Variants in SLC2A13 observed in about 807,000 individuals in gnomAD.
SLC2A13 encodes the protein proton myo-inositol cotransporter.
A neutral mutation model predicts 64.4 loss-of-function variants in SLC2A13; 32 were observed. The ratio of observed to expected loss-of-function variants is 0.50; its 90% confidence interval spans 0.37 to 0.67. The LOEUF (loss-of-function observed/expected upper bound fraction) is 0.67. Ranked by LOEUF, SLC2A13 falls within the 30% of genes least tolerant of loss-of-function variation. The pLI, the probability that SLC2A13 is intolerant of heterozygous loss-of-function variation, is 0.00. For missense variants in SLC2A13, 743 were observed against 829.2 expected (o/e 0.90, Z 1.28); for synonymous variants, 338 against 327.1 (o/e 1.03, Z -0.36).
intron 1 of SLC2A13, among the ~76,000 whole-genome samples, chr12:40,091,018 C>T (rs554792715): frequency 5.3e-5 from 8 of 152,234 alleles, no homozygotes; most frequent in African/African-American, 9.6e-5. Flanking sequence ...CTAAATGGTA[C>T]GGCCCACTAC....
At chr12:39,884,675 C>T (rs183973561) in intron 4 of SLC2A13, among the ~76,000 whole-genome samples, 39 of 152,246 alleles carry the variant, frequency 2.6e-4, no homozygotes, top group African/African-American at 8.4e-4. Flanking sequence ...ATAACAAGGA[C>T]ACACTGGTGG....
intron 7 of SLC2A13, among the ~76,000 whole-genome samples, chr12:39,786,231 A>C (rs928580504): frequency 1.3e-5 from 2 of 152,136 alleles, no homozygotes; most frequent in African/African-American, 4.8e-5. Context: ...TAATTGAATC[A>C]TGGGGGCTGG....
rs533605124 is a variant in SLC2A13 at position 40,045,428 on chromosome 12, A to G, written c.716+2623T>C. Among the ~76,000 whole-genome samples, 12 of 151,722 alleles carry G rather than the reference A, an allele frequency of 7.9e-5. No individual in the cohort carries two copies. In the East Asian group the frequency reaches 1.9e-3, roughly 24 times the overall value. The stretch of plus-strand genomic sequence containing the variant: ...ATTATGAATAAGTTATCAATTGTTG[A>G]CAATTACAGAGTCTAAAGTTAATGC... On this transcript the variant is annotated intron_variant, in intron 2 of 9. Transcript: ENST00000280871.
intron 7 of SLC2A13, among the ~76,000 whole-genome samples, chr12:39,802,716 T>C (rs1941835033): frequency 6.6e-6 from 1 of 152,140 alleles, no homozygotes; most frequent in African/African-American, 2.4e-5. Context: ...TGTCCATATA[T>C]ATAGATATAA....
chr12:40,004,855 A>G (rs1947387554), intron 3 of SLC2A13, among the ~76,000 whole-genome samples: 1 of 152,238 alleles, frequency 6.6e-6, no homozygotes, highest in East Asian at 1.9e-4. Context: ...AAAGTTTTTA[A>G]GAAAATCATA....
At chr12:39,998,865 C>G (rs574903880) in intron 3 of SLC2A13, among the ~76,000 whole-genome samples, 6 of 152,120 alleles carry the variant, frequency 3.9e-5, no homozygotes, top group Admixed American at 2.0e-4. Context: ...CCACCCAAAT[C>G]TCATCTTGAA....
chr12:39,901,475 G>A (rs1351455085), intron 4 of SLC2A13, among the ~76,000 whole-genome samples: 3 of 139,614 alleles, frequency 2.1e-5, no homozygotes, highest in African/African-American at 8.0e-5. Context: ...AATCTACAAT[G>A]AACTCAAACA....
chr12:40,068,972 TGGTGAACAGCCATGTCTA>T (rs1215069844), intron 1 of SLC2A13, among the ~76,000 whole-genome samples: 1 of 152,100 alleles, frequency 6.6e-6, no homozygotes, highest in African/African-American at 2.4e-5. Context: ...ATGTGGCCAC[TGGTGAACAGCCATGTCTA>T]GGAATGTCTA....
chr12:39,810,547 C>A (rs1407338423), intron 7 of SLC2A13, among the ~76,000 whole-genome samples: 4 of 152,050 alleles, frequency 2.6e-5, no homozygotes, highest in Non-Finnish European at 2.9e-5. Flanking sequence ...GACATTCTCA[C>A]CTAGTTTTCA....
rs1432184602 is a variant in SLC2A13, at chr12:39,757,630, TAAC to T, written c.*2393_*2395del. On this transcript the variant is annotated 3_prime_UTR_variant, in exon 10 of 10. Transcript: ENST00000280871. ...AATATTATCTTTAACACTATATAAA[TAAC>T]AAATAGTCCTTTAAAGTAGGGGCTC... 1 of 151,914 alleles carries T rather than the reference TAAC, an allele frequency of 6.6e-6. No individual in the cohort carries two copies. Among genetic ancestry groups the T allele is most frequent in the Non-Finnish European group, 1.5e-5 (1 of 67,678 alleles). 9.4% of individuals were successfully genotyped at this position (151,914 alleles called of 1,614,324 possible).
intron 1 of SLC2A13, among the ~76,000 whole-genome samples, chr12:40,053,226 G>C (rs1160527408): frequency 4.2e-5 from 6 of 142,924 alleles, no homozygotes; most frequent in Non-Finnish European, 9.0e-5. Context: ...AGGTTGCAGT[G>C]AGCCAAGATG....
chr12:39,899,867 C>A (rs1272399951), intron 4 of SLC2A13, among the ~76,000 whole-genome samples: 1 of 152,026 alleles, frequency 6.6e-6, no homozygotes, highest in African/African-American at 2.4e-5. Flanking sequence ...AATTTCTGTT[C>A]TTTTACATTT....
At chr12:39,916,132 G>A (rs1945518147) in intron 4 of SLC2A13, among the ~76,000 whole-genome samples, 1 of 151,730 alleles carries the variant, frequency 6.6e-6, no homozygotes, top group Non-Finnish European at 1.5e-5. Context: ...AAATTGCTAA[G>A]GTGATTATAA....
At chr12:40,091,877 T>C (rs558737630) in intron 1 of SLC2A13, among the ~76,000 whole-genome samples, 1 of 152,348 alleles carries the variant, frequency 6.6e-6, no homozygotes, top group East Asian at 1.9e-4. Context: ...TTTCTGAGCA[T>C]GTGCTAATAA....
chr12:39,856,034 T>C (rs1045343055), intron 6 of SLC2A13, among the ~76,000 whole-genome samples: 9 of 152,228 alleles, frequency 5.9e-5, no homozygotes, highest in African/African-American at 1.9e-4. Context: ...CTAATCATGC[T>C]GTAGCCATGA....
chr12:39,785,883 A>G (rs1383157021), intron 7 of SLC2A13, among the ~76,000 whole-genome samples: 3 of 152,154 alleles, frequency 2.0e-5, no homozygotes, highest in Admixed American at 2.0e-4. Context: ...GTTTTGGCCA[A>G]TTTCTCCCAT....
chr12:39,987,644 A>G (rs943873958), intron 3 of SLC2A13, among the ~76,000 whole-genome samples: 11 of 152,224 alleles, frequency 7.2e-5, no homozygotes. Context: ...TCTTAAAACC[A>G]AAAGGTTACT....
chr12:39,798,981 G>GT (rs1455052830), intron 7 of SLC2A13, among the ~76,000 whole-genome samples: 1 of 150,260 alleles, frequency 6.7e-6, no homozygotes, highest in Non-Finnish European at 1.5e-5. Context: ...AAACAAAGGT[G>GT]TTGCTTGTTT....
chr12:39,868,532 T>G (rs1308404326), intron 5 of SLC2A13, among the ~76,000 whole-genome samples: 1 of 152,202 alleles, frequency 6.6e-6, no homozygotes. Flanking sequence ...TCTAGTTTAG[T>G]AGATCTGGGT....
Sources: gnomAD v4.1 joint callset for allele counts (sites outside exome capture counted in the v4.1 genomes callset) on GRCh38, gnomAD v4.1.1 for gene constraint, MANE v1.5 for transcripts, NCBI Gene and HGNC (gene_info 2026-07-23, HGNC 2026-07-21) for gene names.